The following SPEF2 variants were observed in gnomAD, a reference collection of about 807,000 sequenced individuals.
SPEF2 encodes sperm flagella and cilia-associated protein 2.
SPEF2 carries 187 observed loss-of-function variants against 224.6 expected under a neutral mutation model. The observed-to-expected ratio is 0.83, with a 90% CI of 0.74 to 0.94. The LOEUF (loss-of-function observed/expected upper bound fraction) is 0.94, where lower values mean the gene tolerates loss of function less well. Among genes scored for constraint, SPEF2 ranks in the 40% least tolerant of loss-of-function variants. The probability of loss-of-function intolerance (pLI) is 0.00; values close to 1 mark genes in which losing one functional copy is unlikely to be tolerated. For synonymous variants in SPEF2, 715 were observed against 707.3 expected, an observed-to-expected ratio of 1.01 and a Z score of -0.17; for missense variants, 2,170 against 2,135.6, an observed-to-expected ratio of 1.02 and a Z score of -0.32.
rs930437138 is a variant in SPEF2, at chr5:35,618,490, T to C, written c.58+435T>C. 2.6e-5 allele frequency among the ~76,000 whole-genome samples: 4 copies of C among 152,304 alleles called. 1 individual carries two copies. The highest frequency in any genetic ancestry group is 2.6e-4 in the Admixed American group (4 of 15,300). On this transcript the variant is annotated intron_variant, in intron 1 of 36. Transcript: ENST00000356031. ...AGCAGAAGCATGGTGTGGTGGCTAG[T>C]CGATGAAATATGAAGCCACTGGACA... is the stretch of plus-strand genomic sequence containing the variant.
chr5:35,744,114 A>G (rs1010481856), intron 23 of SPEF2, among the ~76,000 whole-genome samples: 2 of 152,352 alleles, frequency 1.3e-5, no homozygotes, highest in African/African-American at 4.8e-5. Context: ...GTGGTCATAT[A>G]AGTTTCCACA....
intron 36 of SPEF2, chr5:35,808,077 A>C: frequency 9.6e-7 from 1 of 1,038,976 alleles, no homozygotes; most frequent in Non-Finnish European, 1.2e-6. Flanking sequence ...CAATGATAGC[A>C]AGTTACATTT....
chr5:35,697,463 AGCT>A (rs1401193762), intron 14 of SPEF2, among the ~76,000 whole-genome samples: 2 of 152,158 alleles, frequency 1.3e-5, no homozygotes, highest in Non-Finnish European at 2.9e-5. Context: ...GGGATGCAAG[AGCT>A]GCTGCAACTG....
chr5:35,800,901 C>T (rs998394610), intron 34 of SPEF2, among the ~76,000 whole-genome samples: 9 of 152,184 alleles, frequency 5.9e-5, no homozygotes, highest in African/African-American at 2.2e-4. Flanking sequence ...CACTTCCATC[C>T]TTTTCACACA....
intron 25 of SPEF2, among the ~76,000 whole-genome samples, chr5:35,760,951 T>C (rs1007611572): frequency 3.9e-5 from 6 of 152,102 alleles, no homozygotes; most frequent in African/African-American, 1.4e-4. Context: ...TTTTTAATAA[T>C]CAGTAGGCAG....
chr5:35,802,839 G>A (rs1465768751), intron 34 of SPEF2, among the ~76,000 whole-genome samples: 2 of 152,160 alleles, frequency 1.3e-5, no homozygotes, highest in East Asian at 3.9e-4. Context: ...AGGGACCTTA[G>A]CTTTAACTCT....
chr5:35,814,496 T>G lies in SPEF2; in HGVS notation c.5412T>G (p.His1804Gln), dbSNP rs780553628. 8.1e-6 allele frequency: 13 copies of G among 1,608,520 alleles called. No homozygotes were observed. In the Admixed American group the frequency reaches 1.3e-4, roughly 17 times the overall value. ...AAATAATTCTCCAAAGGAGTGAACA[T>G]GTACAAGGAAGTGATGGAGAGAGAT... ...DIKIILQRSE[H>Q]VQGSDGERSP... Residue 1804 changes from histidine (H) to glutamine (Q), a missense_variant, in exon 37 of 37, where the codon CAT (histidine) becomes CAG (glutamine). Coordinates refer to ENST00000356031, the MANE Select transcript of SPEF2 (RefSeq NM_024867.4).
intron 10 of SPEF2, chr5:35,683,891 T>A (rs2149513823): frequency 6.6e-6 from 1 of 152,326 alleles, no homozygotes; most frequent in Non-Finnish European, 1.5e-5. Flanking sequence ...TCCTGCATGT[T>A]CATGACAGTT....
chr5:35,654,782 T>C, intron 7 of SPEF2, 56 bp downstream of exon 7: 3 of 1,467,008 alleles, frequency 2.0e-6, no homozygotes, highest in Non-Finnish European at 1.8e-6. Context: ...CAAAATGTAG[T>C]CTTCTATACA....
chr5:35,751,038 C>CAT (rs1163311178), intron 23 of SPEF2, among the ~76,000 whole-genome samples: 1 of 27,224 alleles, frequency 3.7e-5, no homozygotes, highest in African/African-American at 1.0e-4. Context: ...TATATATACA[C>CAT]ATATGTATAT....
intron 36 of SPEF2, chr5:35,807,565 T>G (rs1207656140): frequency 3.0e-6 from 4 of 1,341,354 alleles, no homozygotes; most frequent in Non-Finnish European, 4.1e-6. Flanking sequence ...AGATTCCTCC[T>G]GCCAAAGAGA....
At chr5:35,673,158 G>C (rs896384976) in intron 10 of SPEF2, among the ~76,000 whole-genome samples, 6 of 152,172 alleles carry the variant, frequency 3.9e-5, no homozygotes, top group Non-Finnish European at 7.3e-5. Flanking sequence ...ACAACATTGA[G>C]TTATTTAGTA....
chr5:35,789,398 G>A (rs1205392552), intron 30 of SPEF2: 1 of 702,112 alleles, frequency 1.4e-6, no homozygotes, highest in South Asian at 1.5e-5. Context: ...GATGATCTGA[G>A]GTCTGTCAAA....
rs558029111 is a variant in SPEF2 at position 35,650,092 on chromosome 5, T to G, written c.791+667T>G. ...TCTTACGAAATATGAGATAAATCTC[T>G]GTTAAAGAAGGTACTAATTCTAAAG... is the stretch of plus-strand genomic sequence containing the variant. On this transcript the variant is annotated intron_variant, in intron 6 of 36. Transcript: ENST00000356031. Among the ~76,000 whole-genome samples, 9 of 152,340 alleles carry G rather than the reference T, an allele frequency of 5.9e-5. No homozygotes were observed. In the East Asian group the frequency reaches 1.4e-3, roughly 23 times the overall value.
At chr5:35,789,946 G>A in intron 30 of SPEF2, 1 of 702,514 alleles carries the variant, frequency 1.4e-6, no homozygotes, top group Non-Finnish European at 2.6e-6. Flanking sequence ...AGCAAGCTGA[G>A]GAAAGTGGTG....
At chr5:35,688,631 A>G (rs1404477699) in intron 10 of SPEF2, among the ~76,000 whole-genome samples, 2 of 152,290 alleles carry the variant, frequency 1.3e-5, no homozygotes, top group South Asian at 4.1e-4. Flanking sequence ...AGTCAACATC[A>G]TATACTGGAT....
intron 18 of SPEF2, among the ~76,000 whole-genome samples, chr5:35,706,913 A>G (rs1263407737): frequency 1.3e-5 from 2 of 152,200 alleles, no homozygotes; most frequent in Non-Finnish European, 2.9e-5. Context: ...TGGGAAGCAA[A>G]AACAAACCAA....
Position 35,704,582 on chromosome 5 carries a change from C to T in SPEF2, c.2427C>T (p.His809=), listed in dbSNP as rs374907687. Reference sequence around the variant, plus strand: ...AAGAATTGTCCTATAAAACTGCTCACGAAGATATCAGTCAACGTGTAGCTG... The same window carrying T: ...AAGAATTGTCCTATAAAACTGCTCATGAAGATATCAGTCAACGTGTAGCTG... The part of the protein sequence containing the change: ...IAEELSYKTA[H]EDISQRVAAE... Residue 809 remains histidine (H), a synonymous_variant, in exon 17 of 37, where the codon CAC becomes CAT. Transcript: ENST00000356031. The T allele has an allele frequency of 4.7e-5, 75 of 1,612,210 alleles. No homozygotes were observed. The highest frequency in any genetic ancestry group is 7.7e-5 in the South Asian group (7 of 90,826).
chr5:35,679,514 A>C (rs943027378), intron 10 of SPEF2, among the ~76,000 whole-genome samples: 2 of 152,254 alleles, frequency 1.3e-5, no homozygotes, highest in African/African-American at 4.8e-5. Context: ...AATAGAGGCC[A>C]CAAACAGAGC....
Sources: gnomAD v4.1 joint callset for allele counts (sites outside exome capture counted in the v4.1 genomes callset) on GRCh38, gnomAD v4.1.1 for gene constraint, MANE v1.5 for transcripts, NCBI Gene and HGNC (gene_info 2026-07-23, HGNC 2026-07-21) for gene names.